Variants in CADPS observed in about 807,000 individuals in gnomAD.
CADPS encodes calcium-dependent secretion activator 1.
CADPS carries 57 observed loss-of-function variants against 167.3 expected under a neutral mutation model. The observed-to-expected ratio is 0.34, with a 90% CI of 0.28 to 0.42. CADPS has a LOEUF of 0.42. CADPS is among the 20% of genes least tolerant of loss of function. The pLI is 1.00. For synonymous variants in CADPS, 676 were observed against 635.3 expected (o/e 1.06, Z -0.96); for missense variants, 1,414 against 1,738.1 (o/e 0.81, Z 3.32).
intron 6 of CADPS, among the ~76,000 whole-genome samples, chr3:62,614,179 ATTATT>A: frequency 6.6e-6 from 1 of 152,170 alleles, no homozygotes. Context: ...GTTTCCACAT[ATTATT>A]TTATTTAATC....
rs77968697 is a variant in CADPS, at chr3:62,672,927, T to C, written c.889-10533A>G. 2.6e-3 allele frequency among the ~76,000 whole-genome samples: 399 copies of C among 152,278 alleles called. 14 individuals are homozygous for C. The East Asian group carries it at 0.064, about 24-fold the overall frequency. On this transcript the variant is annotated intron_variant, in intron 3 of 29. Coordinates refer to ENST00000383710, the MANE Select transcript of CADPS (RefSeq NM_003716.4). ...ACTGCACCTGGCCCTCTGTCATCTT[T>C]GTCTGGTTAACAGTAAATCATTAAC...
Position 62,753,368 on chromosome 3 carries a change from A to G in CADPS, c.888+73T>C. 1 of 1,122,402 alleles carries G rather than the reference A, an allele frequency of 8.9e-7. No homozygotes were observed. 69.5% of individuals were successfully genotyped at this position (1,122,402 alleles called of 1,614,324 possible). A position where few individuals can be genotyped will look rare whatever the true frequency, so the allele number is the denominator to read the frequency against. On this transcript the variant is annotated intron_variant, in intron 3 of 29. Coordinates refer to ENST00000383710, the MANE Select transcript of CADPS (RefSeq NM_003716.4). The surrounding 1 kb of genome is among the most constrained non-coding windows in gnomAD (Gnocchi z 4.6). ...TTTAATCCTTTTTTTAAAAAAATCA[A>G]GAAGTATCTCATAGAAGTTGGAATG...
chr3:62,766,083 G>A, intron 1 of CADPS, 99 bp from the exon 2 acceptor site: 3 of 803,400 alleles, frequency 3.7e-6, no homozygotes, highest in East Asian at 2.5e-5. Context: ...GTGTATTGGA[G>A]CTGGCTTGTA....
chr3:62,518,874 T>C lies in CADPS; in HGVS notation c.2292-624A>G, dbSNP rs181560326. Reference sequence around the variant, plus strand: ...TTGCCTATAACTACCGATGTTCAGATTTATTTAAGTGCTCATGTATTCGTT... The same window carrying C: ...TTGCCTATAACTACCGATGTTCAGACTTATTTAAGTGCTCATGTATTCGTT... On this transcript the variant is annotated intron_variant, in intron 13 of 29. Transcript: ENST00000383710. Among the ~76,000 whole-genome samples, 507 of 152,296 alleles carry C rather than the reference T, an allele frequency of 3.3e-3. 4 individuals are homozygous for C. Among genetic ancestry groups the C allele is most frequent in the African/African-American group, 0.012 (481 of 41,568 alleles).
Position 62,514,546 on chromosome 3 carries a change from G to T in CADPS, c.2581+1513C>A, listed in dbSNP as rs555871877. 6.6e-6 allele frequency among the ~76,000 whole-genome samples: 1 copy of T among 152,214 alleles called. No homozygotes were observed. Among genetic ancestry groups the T allele is most frequent in the African/African-American group, 2.4e-5 (1 of 41,550 alleles). ...AAAAGATAATTAACACAACCAAGAA[G>T]AATTGAGGCACAAAAGGAAATTACA... On this transcript the variant is annotated intron_variant, in intron 16 of 29. Coordinates refer to ENST00000383710, the MANE Select transcript of CADPS (RefSeq NM_003716.4). This position sits in a 1 kb window ranked among gnomAD's most constrained non-coding sequence, Gnocchi z 4.2.
intron 4 of CADPS, among the ~76,000 whole-genome samples, chr3:62,658,765 C>T (rs886190407): frequency 5.9e-5 from 9 of 152,154 alleles, no homozygotes; most frequent in Admixed American, 1.3e-4. Flanking sequence ...ATGTATTCAA[C>T]GAGACTTTCA....
intron 3 of CADPS, among the ~76,000 whole-genome samples, chr3:62,733,777 TGG>T (rs145134263): frequency 0.095 from 14,520 of 152,122 alleles, 876 homozygotes; most frequent in African/African-American, 0.16. Flanking sequence ...TCTGAGATGC[TGG>T]TGCTCCTGTC....
chr3:62,591,026 T>C (rs1051962976), intron 7 of CADPS, among the ~76,000 whole-genome samples: 1 of 151,918 alleles, frequency 6.6e-6, no homozygotes, highest in Non-Finnish European at 1.5e-5. Flanking sequence ...GGCTAATTTT[T>C]TTGGTATTTT....
intron 6 of CADPS, among the ~76,000 whole-genome samples, chr3:62,609,775 G>A (rs1291577044): frequency 3.3e-5 from 5 of 152,122 alleles, no homozygotes; most frequent in African/African-American, 1.2e-4. Context: ...AGTGACAGAA[G>A]TTTAAAAGGC....
At chr3:62,673,808 A>G (rs2075930886) in intron 3 of CADPS, among the ~76,000 whole-genome samples, 2 of 152,144 alleles carry the variant, frequency 1.3e-5, no homozygotes, top group South Asian at 4.1e-4. Context: ...GGAGATTTTG[A>G]CATAAACATT....
Position 62,518,181 on chromosome 3 carries a change from T to C in CADPS, c.2361A>G (p.Arg787=), listed in dbSNP as rs1169497288. Reference sequence around the variant, plus strand: ...GTGTAATCTGATTTTCTAGCAGAACTCGGAGCCTCTCTTTGATTTCTTCAA... The same window carrying C: ...GTGTAATCTGATTTTCTAGCAGAACCCGGAGCCTCTCTTTGATTTCTTCAA... ...ERFEEIKERL[R]VLLENQITHF... The change falls in exon 14 of 30, where the codon CGA becomes CGG. Residue 787 remains arginine, a synonymous_variant. Coordinates refer to ENST00000383710, the MANE Select transcript of CADPS (RefSeq NM_003716.4). 1 of 1,612,784 alleles carries C rather than the reference T, an allele frequency of 6.2e-7. No individual in the cohort carries two copies. The highest frequency in any genetic ancestry group is 2.2e-5 in the East Asian group (1 of 44,866).
chr3:62,644,583 T>G (rs534145435), intron 6 of CADPS, among the ~76,000 whole-genome samples: 1 of 152,316 alleles, frequency 6.6e-6, no homozygotes, highest in South Asian at 2.1e-4. Context: ...CCTCATGGTA[T>G]GGCCCTGCCT....
rs1459424846 is a variant in CADPS at position 62,465,645 on chromosome 3, C to T, written c.3553-195G>A. On this transcript the variant is annotated intron_variant, in intron 25 of 29. Transcript: ENST00000383710. The surrounding 1 kb of genome is among the most constrained non-coding windows in gnomAD (Gnocchi z 4.1). Reference sequence around the variant, plus strand: ...AAATATTTGACTTATCCGGCTTTCTCTTCATTATTATGTGATTGCAAATAT... The same window carrying T: ...AAATATTTGACTTATCCGGCTTTCTTTTCATTATTATGTGATTGCAAATAT... 6.6e-6 allele frequency among the ~76,000 whole-genome samples: 1 copy of T among 152,158 alleles called. No homozygotes were observed. Among genetic ancestry groups the T allele is most frequent in the Admixed American group, 6.5e-5 (1 of 15,276 alleles).
At chr3:62,452,594 G>A (rs921592373) in intron 26 of CADPS, among the ~76,000 whole-genome samples, 22 of 152,126 alleles carry the variant, frequency 1.4e-4, no homozygotes, top group Non-Finnish European at 1.9e-4. Flanking sequence ...GGAGGAAGCA[G>A]GAGAAGAAAA....
chr3:62,812,726 G>C (rs115843167), intron 1 of CADPS, among the ~76,000 whole-genome samples: 121 of 152,276 alleles, frequency 7.9e-4, no homozygotes, highest in Non-Finnish European at 1.6e-3. Context: ...TTAGGAAATT[G>C]ATGTTGGACC....
chr3:62,615,160 A>T (rs1376227083), intron 6 of CADPS, among the ~76,000 whole-genome samples: 1 of 152,164 alleles, frequency 6.6e-6, no homozygotes. Flanking sequence ...AGAGATTTTC[A>T]GGCTCCATTC....
Position 62,753,842 on chromosome 3 carries a change from G to A in CADPS, c.556-69C>T. The A allele has an allele frequency of 7.0e-7, 1 of 1,436,498 alleles. No homozygotes were observed. The highest frequency in any genetic ancestry group is 9.5e-7 in the Non-Finnish European group (1 of 1,057,336). The allele number at this position is 1,436,498 out of a possible 1,614,324, so 89.0% of individuals were successfully genotyped here. A position where few individuals can be genotyped will look rare whatever the true frequency, so the allele number is the denominator to read the frequency against. On this transcript the variant is annotated intron_variant, in intron 2 of 29. Coordinates refer to ENST00000383710, the MANE Select transcript of CADPS (RefSeq NM_003716.4). This position sits in a 1 kb window ranked among gnomAD's most constrained non-coding sequence, Gnocchi z 4.6. ...ACAGAGGTACCAGTTCCCTGGGGCTGGACACTGGGCCAGTCCACCTCACGT... is the reference window on the plus strand; with the variant it reads ...ACAGAGGTACCAGTTCCCTGGGGCTAGACACTGGGCCAGTCCACCTCACGT...
At chr3:62,536,925 T>C (rs1233514279) in intron 11 of CADPS, among the ~76,000 whole-genome samples, 4 of 152,192 alleles carry the variant, frequency 2.6e-5, no homozygotes, top group Admixed American at 6.6e-5. Context: ...TTGCTTAAGA[T>C]AGCCTATTTA....
intron 6 of CADPS, among the ~76,000 whole-genome samples, chr3:62,630,557 A>T (rs368895091): frequency 6.6e-6 from 1 of 151,996 alleles, no homozygotes; most frequent in Non-Finnish European, 1.5e-5. Flanking sequence ...GGGTTTCACC[A>T]TGTTGGCCAG....
Sources: gnomAD v4.1 joint callset for allele counts (sites outside exome capture counted in the v4.1 genomes callset) on GRCh38, gnomAD v4.1.1 for gene constraint, Gnocchi (gnomAD v3.1) non-coding constraint, MANE v1.5 for transcripts, NCBI Gene and HGNC (gene_info 2026-07-23, HGNC 2026-07-21) for gene names.